The following MARCHF1 variants were observed in gnomAD, a reference collection of about 807,000 sequenced individuals.
MARCHF1 encodes membrane associated ring-CH-type finger 1, also known as E3 ubiquitin-protein ligase MARCHF1.
A neutral mutation model predicts 54.2 loss-of-function variants in MARCHF1; 40 were observed. The ratio of observed to expected loss-of-function variants is 0.74; its 90% CI spans 0.57 to 0.96. The LOEUF (loss-of-function observed/expected upper bound fraction) is 0.96, where lower values mean the gene tolerates loss of function less well. Among genes scored for constraint, MARCHF1 ranks in the 40% least tolerant of loss-of-function variants. The probability of loss-of-function intolerance (pLI) is 0.00; values close to 1 mark genes in which losing one functional copy is unlikely to be tolerated. For synonymous variants in MARCHF1, 236 were observed against 236.3 expected, an observed-to-expected ratio of 1.00 and a Z score of 0.01; for missense variants, 586 against 656.5, an observed-to-expected ratio of 0.89 and a Z score of 1.17.
intron 1 of MARCHF1, among the ~76,000 whole-genome samples, chr4:164,214,391 T>G (rs1022682490): frequency 1.3e-5 from 2 of 152,176 alleles, no homozygotes; most frequent in Non-Finnish European, 2.9e-5. Flanking sequence ...TCACTATAAA[T>G]GAAGATTGGT....
At chr4:163,930,253 C>T (rs960485412) in intron 3 of MARCHF1, among the ~76,000 whole-genome samples, 2 of 151,240 alleles carry the variant, frequency 1.3e-5, no homozygotes, top group Non-Finnish European at 2.9e-5. Flanking sequence ...AATAAAGACA[C>T]TGATATTTTC....
chr4:164,097,429 C>A (rs7690604), intron 2 of MARCHF1, among the ~76,000 whole-genome samples: 16 of 152,044 alleles, frequency 1.1e-4, no homozygotes, highest in Admixed American at 6.6e-5. Context: ...TTATTTCATA[C>A]CATATTTTGG....
intron 1 of MARCHF1, among the ~76,000 whole-genome samples, chr4:164,374,398 A>G (rs1173220044): frequency 6.6e-6 from 1 of 152,164 alleles, no homozygotes; most frequent in Non-Finnish European, 1.5e-5. Context: ...TCCTATGACA[A>G]CTATTAACAG....
At chr4:164,283,825 G>C (rs1734082511) in intron 1 of MARCHF1, among the ~76,000 whole-genome samples, 1 of 150,956 alleles carries the variant, frequency 6.6e-6, no homozygotes, top group African/African-American at 2.4e-5. Flanking sequence ...TCATGAAGAA[G>C]GGGATATCAT....
intron 1 of MARCHF1, among the ~76,000 whole-genome samples, chr4:164,172,773 C>T (rs56207251): frequency 1.3e-5 from 2 of 151,848 alleles, no homozygotes; most frequent in Non-Finnish European, 2.9e-5. Context: ...GTCAGGAGAC[C>T]GAGACCATCC....
chr4:164,073,977 G>A (rs550035315), intron 2 of MARCHF1, among the ~76,000 whole-genome samples: 59 of 151,950 alleles, frequency 3.9e-4, no homozygotes, highest in African/African-American at 1.2e-3. Context: ...GCTAATTTTC[G>A]TTATTTTTAG....
intron 3 of MARCHF1, among the ~76,000 whole-genome samples, chr4:163,932,136 T>C (rs924270330): frequency 6.6e-6 from 1 of 152,012 alleles, no homozygotes; most frequent in Non-Finnish European, 1.5e-5. Context: ...AAAAAGCTAA[T>C]GATTGCCTTA....
intron 1 of MARCHF1, among the ~76,000 whole-genome samples, chr4:164,359,585 A>T (rs1220359846): frequency 6.6e-6 from 1 of 152,192 alleles, no homozygotes; most frequent in Non-Finnish European, 1.5e-5. Context: ...CATTTTAATC[A>T]ACTACAACAG....
chr4:164,199,675 C>CAG (rs1320121142), intron 1 of MARCHF1, among the ~76,000 whole-genome samples: 93 of 54,444 alleles, frequency 1.7e-3, no homozygotes, highest in African/African-American at 7.4e-3. Flanking sequence ...CACACACACA[C>CAG]ACACACAGAG....
At chr4:163,560,682 G>T (rs1024752479) in intron 8 of MARCHF1, among the ~76,000 whole-genome samples, 1 of 151,994 alleles carries the variant, frequency 6.6e-6, no homozygotes, top group Admixed American at 6.6e-5. Flanking sequence ...ATTCGTTTAG[G>T]TCTTTAATTT....
chr4:163,728,318 T>A (rs1166479199), intron 4 of MARCHF1, among the ~76,000 whole-genome samples: 1 of 152,222 alleles, frequency 6.6e-6, no homozygotes, highest in Non-Finnish European at 1.5e-5. Flanking sequence ...ATTCTGAGAA[T>A]CAGTTTGTTG....
At chr4:164,111,185 A>G (rs980569360) in intron 2 of MARCHF1, among the ~76,000 whole-genome samples, 14 of 151,938 alleles carry the variant, frequency 9.2e-5, no homozygotes, top group African/African-American at 3.4e-4. Flanking sequence ...TATCCTAAAG[A>G]TGGTCCATAT....
At chr4:163,818,890 T>C (rs1300052215) in intron 4 of MARCHF1, among the ~76,000 whole-genome samples, 1 of 152,094 alleles carries the variant, frequency 6.6e-6, no homozygotes, top group African/African-American at 2.4e-5. Context: ...CGTCATTACA[T>C]TTACCACCTT....
At chr4:164,006,774 G>A (rs1367128133) in intron 2 of MARCHF1, among the ~76,000 whole-genome samples, 1 of 151,742 alleles carries the variant, frequency 6.6e-6, no homozygotes, top group Non-Finnish European at 1.5e-5. Flanking sequence ...TTTTTCTGGA[G>A]ACTTCTCAAC....
chr4:163,848,016 C>T (rs1006191403), intron 4 of MARCHF1, among the ~76,000 whole-genome samples: 7 of 152,150 alleles, frequency 4.6e-5, no homozygotes, highest in African/African-American at 1.7e-4. Flanking sequence ...CTTAACAGTC[C>T]TATTTTATTA....
chr4:163,701,814 T>C (rs193148187), intron 4 of MARCHF1, among the ~76,000 whole-genome samples: 2 of 150,588 alleles, frequency 1.3e-5, no homozygotes, highest in East Asian at 3.9e-4. Context: ...ATTGAAATAA[T>C]TTACCAATGT....
chr4:163,675,916 A>G (rs1487529240), intron 5 of MARCHF1, among the ~76,000 whole-genome samples: 1 of 152,174 alleles, frequency 6.6e-6, no homozygotes, highest in South Asian at 2.1e-4. Flanking sequence ...AATTCATGCT[A>G]TATTTAATAC....
At chr4:163,929,292 TAAAATGGCAGC>T (rs1426580683) in intron 3 of MARCHF1, among the ~76,000 whole-genome samples, 1 of 152,008 alleles carries the variant, frequency 6.6e-6, no homozygotes, top group Non-Finnish European at 1.5e-5. Flanking sequence ...CTTTCAACAG[TAAAATGGCAGC>T]AATAATAATG....
chr4:163,809,257 G>A (rs1054830661), intron 4 of MARCHF1, among the ~76,000 whole-genome samples: 1 of 152,150 alleles, frequency 6.6e-6, no homozygotes, highest in South Asian at 2.1e-4. Flanking sequence ...TATGGGTTAT[G>A]CAAAATAGCT....
Sources: gnomAD v4.1 joint callset for allele counts (sites outside exome capture counted in the v4.1 genomes callset) on GRCh38, gnomAD v4.1.1 for gene constraint, MANE v1.5 for transcripts, NCBI Gene and HGNC (gene_info 2026-07-23, HGNC 2026-07-21) for gene names.